IQCM: variants seen among roughly 807,000 people sequenced by gnomAD.
IQCM encodes the protein IQ motif containing M.
IQCM carries 45 observed loss-of-function variants against 57.6 expected under a neutral mutation model. The ratio of observed to expected loss-of-function variants is 0.78; its 90% CI spans 0.62 to 1.00. The LOEUF (loss-of-function observed/expected upper bound fraction) is 1.00, where lower values mean the gene tolerates loss of function less well. Among genes scored for constraint, IQCM ranks in the 50% least tolerant of loss-of-function variants. The probability of loss-of-function intolerance (pLI) is 0.00; values close to 1 mark genes in which losing one functional copy is unlikely to be tolerated. For missense variants in IQCM, 468 were observed against 511.6 expected, an observed-to-expected ratio of 0.91 and a Z score of 0.82; for synonymous variants, 148 against 158.9, an observed-to-expected ratio of 0.93 and a Z score of 0.51.
rs909273032 is a variant in IQCM, at chr4:149,552,059, C to G, written c.1093+1084G>C. On this transcript the variant is annotated intron_variant, in intron 11 of 13. Coordinates refer to ENST00000636793, the MANE Select transcript of IQCM (RefSeq NM_001363507.2). Reference sequence around the variant, plus strand: ...TCTCTCTCTCTTTTCTCTTTCTCCTCTCTCTCTGACTTCTTCCTCCCTCTA... The same window carrying G: ...TCTCTCTCTCTTTTCTCTTTCTCCTGTCTCTCTGACTTCTTCCTCCCTCTA... 4.6e-5 allele frequency among the ~76,000 whole-genome samples: 7 copies of G among 152,298 alleles called. No individual in the cohort carries two copies. In the East Asian group the frequency reaches 1.2e-3, roughly 25 times the overall value.
chr4:149,554,521 A>T (rs2149911356), intron 10 of IQCM, among the ~76,000 whole-genome samples: 1 of 151,776 alleles, frequency 6.6e-6, no homozygotes, highest in South Asian at 2.1e-4. Flanking sequence ...TCACCATGTT[A>T]GCCAGGATGG....
At chr4:149,694,318 G>A (rs1763167200) in intron 5 of IQCM, among the ~76,000 whole-genome samples, 1 of 142,562 alleles carries the variant, frequency 7.0e-6, no homozygotes, top group Non-Finnish European at 1.5e-5. Flanking sequence ...TCCGCCTCCC[G>A]GGTTCACGCC....
At chr4:149,620,377 GA>G (rs374977714) in intron 8 of IQCM, among the ~76,000 whole-genome samples, 17 of 149,844 alleles carry the variant, frequency 1.1e-4, no homozygotes, top group Admixed American at 2.0e-4. Flanking sequence ...GCAAGTCCAG[GA>G]AAAAAAAATC....
At chr4:149,602,644 G>T (rs1439631100) in intron 8 of IQCM, among the ~76,000 whole-genome samples, 2 of 151,764 alleles carry the variant, frequency 1.3e-5, no homozygotes, top group Admixed American at 1.3e-4. Flanking sequence ...AATATTTCAT[G>T]TTGTATAGAT....
intron 12 of IQCM, among the ~76,000 whole-genome samples, chr4:149,491,927 A>AT (rs993114838): frequency 4.0e-5 from 6 of 150,098 alleles, no homozygotes; most frequent in South Asian, 2.1e-4. Flanking sequence ...GTTATCTTTC[A>AT]TTTTTTTTCA....
At chr4:149,655,167 C>T (rs1017110072) in intron 7 of IQCM, among the ~76,000 whole-genome samples, 7 of 151,992 alleles carry the variant, frequency 4.6e-5, no homozygotes, top group Non-Finnish European at 8.8e-5. Flanking sequence ...ACCTGTAATC[C>T]ACTTTCTGCC....
At chr4:149,402,703 G>A (rs1038286978) in intron 13 of IQCM, among the ~76,000 whole-genome samples, 1 of 151,856 alleles carries the variant, frequency 6.6e-6, no homozygotes, top group Non-Finnish European at 1.5e-5. Flanking sequence ...CAAATGGAAC[G>A]CTGTAGTTAC....
chr4:149,534,690 C>T (rs1203212501), intron 12 of IQCM, among the ~76,000 whole-genome samples: 1 of 151,962 alleles, frequency 6.6e-6, no homozygotes, highest in Non-Finnish European at 1.5e-5. Context: ...AAATTTACTC[C>T]ATAAACATCT....
intron 8 of IQCM, among the ~76,000 whole-genome samples, chr4:149,611,361 A>G (rs1755269402): frequency 6.6e-6 from 1 of 152,114 alleles, no homozygotes; most frequent in Non-Finnish European, 1.5e-5. Flanking sequence ...GGAAATCAGT[A>G]TGTCAAAGAC....
At chr4:149,722,928 T>C (rs557239957) in intron 5 of IQCM, among the ~76,000 whole-genome samples, 1 of 152,062 alleles carries the variant, frequency 6.6e-6, no homozygotes, top group African/African-American at 2.4e-5. Context: ...TCCATGAGCA[T>C]GAGATGTTTT....
chr4:149,668,520 G>A (rs1014488806), intron 7 of IQCM, among the ~76,000 whole-genome samples: 1 of 152,094 alleles, frequency 6.6e-6, no homozygotes, highest in Non-Finnish European at 1.5e-5. Context: ...GCAGCGGGGG[G>A]CAAGGGGAGG....
chr4:149,403,081 A>G (rs1732732240), intron 13 of IQCM, among the ~76,000 whole-genome samples: 1 of 151,988 alleles, frequency 6.6e-6, no homozygotes, highest in African/African-American at 2.4e-5. Context: ...TCACAAACAT[A>G]TCCAGCATAA....
At chr4:149,712,228 C>T (rs939816217) in intron 5 of IQCM, among the ~76,000 whole-genome samples, 6 of 152,122 alleles carry the variant, frequency 3.9e-5, no homozygotes, top group African/African-American at 1.4e-4. Context: ...TTCATGCAGG[C>T]CAGAGAAATT....
In IQCM at chr4:149,742,723, A is replaced by C; in HGVS notation, c.-32T>G. The C allele has an allele frequency of 8.2e-7, 1 of 1,226,582 alleles. No homozygotes were observed. The highest frequency in any genetic ancestry group is 1.0e-6 in the Non-Finnish European group (1 of 982,988). 76.0% of individuals were successfully genotyped at this position (1,226,582 alleles called of 1,614,324 possible). On this transcript the variant is annotated 5_prime_UTR_variant, in exon 3 of 14. Transcript: ENST00000636793. ...CAGTTAGAATGATCTTCTTTTTTAAAGTGTGAGCTCCAAGTCCTTAAACAC... is the reference window on the plus strand; with the variant it reads ...CAGTTAGAATGATCTTCTTTTTTAACGTGTGAGCTCCAAGTCCTTAAACAC...
At chr4:149,468,547 G>A (rs1181481466) in intron 12 of IQCM, among the ~76,000 whole-genome samples, 1 of 151,616 alleles carries the variant, frequency 6.6e-6, no homozygotes, top group Non-Finnish European at 1.5e-5. Flanking sequence ...CCACCTCTGG[G>A]GGCAGGGCAT....
chr4:149,429,899 G>C (rs1044658845), intron 13 of IQCM: 1 of 886,244 alleles, frequency 1.1e-6, no homozygotes, highest in African/African-American at 1.7e-5. Context: ...GGAAGACAGA[G>C]TTTGAAAATA....
At chr4:149,591,178 T>C (rs1753125766) in intron 8 of IQCM, among the ~76,000 whole-genome samples, 1 of 152,074 alleles carries the variant, frequency 6.6e-6, no homozygotes, top group African/African-American at 2.4e-5. Flanking sequence ...TTACACAATA[T>C]TTTTACACCT....
intron 13 of IQCM, among the ~76,000 whole-genome samples, chr4:149,381,962 T>C (rs192718882): frequency 1.3e-5 from 2 of 152,168 alleles, no homozygotes; most frequent in African/African-American, 2.4e-5. Flanking sequence ...TTAGTAGAGA[T>C]GGGGTTTCAC....
At chr4:149,488,780 G>A (rs888466863) in intron 12 of IQCM, among the ~76,000 whole-genome samples, 1 of 152,164 alleles carries the variant, frequency 6.6e-6, no homozygotes, top group Non-Finnish European at 1.5e-5. Context: ...AGGCAGAGTA[G>A]GTAGATTAAG....
Sources: allele counts gnomAD v4.1 joint callset (sites outside exome capture counted in the v4.1 genomes callset), GRCh38; gene constraint gnomAD v4.1.1; transcripts MANE v1.5; gene names NCBI Gene and HGNC (gene_info 2026-07-23, HGNC 2026-07-21).